EYA1: variants seen among roughly 807,000 people sequenced by gnomAD.
EYA1 encodes EYA transcriptional coactivator and phosphatase 1, also known as protein phosphatase EYA1.
EYA1 carries 16 observed loss-of-function variants against 82.0 expected under a neutral mutation model. The observed-to-expected ratio is 0.20, with a 90% confidence interval of 0.13 to 0.30. The LOEUF (loss-of-function observed/expected upper bound fraction) is 0.30. Ranked by LOEUF, EYA1 falls within the 10% of genes least tolerant of loss-of-function variation. EYA1 has a pLI of 1.00. For synonymous variants in EYA1, 261 were observed against 264.4 expected, an observed-to-expected ratio of 0.99 and a Z score of 0.12; for missense variants, 633 against 730.7, an observed-to-expected ratio of 0.87 and a Z score of 1.54.
intron 3 of EYA1, among the ~76,000 whole-genome samples, chr8:71,337,052 A>G (rs980500017): frequency 3.3e-5 from 5 of 152,208 alleles, no homozygotes; most frequent in African/African-American, 9.6e-5. Context: ...CATTCCCACT[A>G]GCACCACCAC....
intron 2 of EYA1, among the ~76,000 whole-genome samples, chr8:71,508,656 A>G (rs1238086415): frequency 1.3e-5 from 2 of 152,138 alleles, no homozygotes; most frequent in East Asian, 1.9e-4. Flanking sequence ...TTGTGAGTAC[A>G]CAGTTTGAAG....
At chr8:71,337,588 TA>T (rs1824646356) in intron 3 of EYA1, among the ~76,000 whole-genome samples, 1 of 152,224 alleles carries the variant, frequency 6.6e-6, no homozygotes, top group African/African-American at 2.4e-5. Context: ...TTACCTACTA[TA>T]AGACTTTCTA....
At chr8:71,516,482 A>G (rs1215563057) in intron 2 of EYA1, among the ~76,000 whole-genome samples, 3 of 152,190 alleles carry the variant, frequency 2.0e-5, no homozygotes, top group African/African-American at 7.2e-5. Flanking sequence ...GAAGTCACAC[A>G]GTATATATGC....
chr8:71,300,621 G>T (rs563396107), intron 7 of EYA1, among the ~76,000 whole-genome samples: 14 of 151,888 alleles, frequency 9.2e-5, no homozygotes, highest in Admixed American at 5.9e-4. Flanking sequence ...TTTATTTCAG[G>T]CATTTACTCT....
intron 7 of EYA1, among the ~76,000 whole-genome samples, chr8:71,313,264 A>C (rs1232766672): frequency 2.0e-5 from 3 of 152,166 alleles, no homozygotes; most frequent in Non-Finnish European, 4.4e-5. Context: ...CCATGCCAGC[A>C]TATTAATTAC....
At chr8:71,483,796 T>C (rs1237635380) in intron 2 of EYA1, among the ~76,000 whole-genome samples, 1 of 152,166 alleles carries the variant, frequency 6.6e-6, no homozygotes, top group Non-Finnish European at 1.5e-5. Context: ...TCCTTCATTT[T>C]GACCCCAAAT....
At chr8:71,220,012 G>A (rs1809695390) in intron 12 of EYA1, among the ~76,000 whole-genome samples, 1 of 152,138 alleles carries the variant, frequency 6.6e-6, no homozygotes, top group African/African-American at 2.4e-5. Context: ...TGATTTCAGA[G>A]TCCATGGCTT....
intron 9 of EYA1, among the ~76,000 whole-genome samples, chr8:71,297,176 C>A (rs1021301272): frequency 6.6e-6 from 1 of 152,064 alleles, no homozygotes; most frequent in Non-Finnish European, 1.5e-5. Context: ...ACAATACAAG[C>A]TAAAATACAT....
intron 10 of EYA1, 28 bp downstream of exon 10, chr8:71,271,730 A>G (rs201881429): frequency 1.9e-6 from 3 of 1,614,080 alleles, no homozygotes; most frequent in African/African-American, 2.7e-5. Flanking sequence ...ACACCTTTCT[A>G]TTCACTTGGG....
At chr8:71,307,410 C>T (rs191906354) in intron 7 of EYA1, among the ~76,000 whole-genome samples, 347 of 152,184 alleles carry the variant, frequency 2.3e-3, no homozygotes, top group Non-Finnish European at 3.3e-3. Flanking sequence ...GTTCAAGCGA[C>T]TCTCGTGCCT....
chr8:71,375,752 C>T (rs189994601), intron 2 of EYA1, among the ~76,000 whole-genome samples: 168 of 152,154 alleles, frequency 1.1e-3, no homozygotes, highest in Non-Finnish European at 2.1e-3. Context: ...GCTCAGCCTC[C>T]CAAGTACCAG....
chr8:71,327,983 A>T (rs1202019642), intron 4 of EYA1, among the ~76,000 whole-genome samples: 1 of 151,088 alleles, frequency 6.6e-6, no homozygotes, highest in Non-Finnish European at 1.5e-5. Context: ...AGCCTCCTGA[A>T]TAGCTGGGAT....
intron 2 of EYA1, among the ~76,000 whole-genome samples, chr8:71,402,825 T>C (rs986291132): frequency 2.0e-5 from 3 of 152,180 alleles, no homozygotes; most frequent in African/African-American, 7.2e-5. Flanking sequence ...TATTAATTCA[T>C]GACAAAGGTG....
intron 2 of EYA1, among the ~76,000 whole-genome samples, chr8:71,369,073 T>C (rs1424338550): frequency 1.3e-5 from 2 of 149,756 alleles, no homozygotes; most frequent in East Asian, 2.0e-4. Context: ...CGTGGTGGCA[T>C]GCACCTGTAA....
chr8:71,361,971 C>A lies in EYA1; in HGVS notation c.-379G>T, dbSNP rs1827432163. ...TGGCACTGGAGAGTTTCTACCTCGCCCCAAACTCGGAGCCATCAGCTCCCA... is the reference window on the plus strand; with the variant it reads ...TGGCACTGGAGAGTTTCTACCTCGCACCAAACTCGGAGCCATCAGCTCCCA... On this transcript the variant is annotated 5_prime_UTR_variant, in exon 1 of 18. Transcript: ENST00000340726. 1 of 985,388 alleles carries A rather than the reference C, an allele frequency of 1.0e-6. No homozygotes were observed. Among genetic ancestry groups the A allele is most frequent in the Non-Finnish European group, 1.2e-6 (1 of 829,930 alleles). 61.0% of individuals were successfully genotyped at this position (985,388 alleles called of 1,614,324 possible). A position where few individuals can be genotyped will look rare whatever the true frequency, so the allele number is the denominator to read the frequency against.
chr8:71,535,853 G>T, intron 1 of EYA1: 2 of 852,486 alleles, frequency 2.3e-6, no homozygotes, highest in South Asian at 4.0e-5. Flanking sequence ...CTGCACCTGT[G>T]AACAACAGAG....
intron 3 of EYA1, among the ~76,000 whole-genome samples, chr8:71,347,885 C>CAAA (rs5892271): frequency 5.7e-4 from 46 of 80,848 alleles, no homozygotes; most frequent in Non-Finnish European, 7.3e-4. Flanking sequence ...TGGAGGCATG[C>CAAA]AAAAAAAAAA....
At chr8:71,545,815 C>G (rs879036345) in intron 1 of EYA1, among the ~76,000 whole-genome samples, 2 of 152,140 alleles carry the variant, frequency 1.3e-5, no homozygotes, top group Admixed American at 1.3e-4. Flanking sequence ...CCACCTCCAC[C>G]TCCCAAAGTG....
chr8:71,214,236 T>C (rs1006928884), intron 16 of EYA1, among the ~76,000 whole-genome samples: 9 of 152,140 alleles, frequency 5.9e-5, no homozygotes, highest in Admixed American at 3.3e-4. Flanking sequence ...TAGGGTGATA[T>C]ACAACGCCAT....
Sources: gnomAD v4.1 joint callset for allele counts (sites outside exome capture counted in the v4.1 genomes callset) on GRCh38, gnomAD v4.1.1 for gene constraint, MANE v1.5 for transcripts, NCBI Gene and HGNC (gene_info 2026-07-23, HGNC 2026-07-21) for gene names.